Variants in DYNC2I1 observed in about 807,000 individuals in gnomAD.
DYNC2I1 encodes the protein cytoplasmic dynein 2 intermediate chain 1.
DYNC2I1 carries 89 observed loss-of-function variants against 133.4 expected under a neutral mutation model. The observed-to-expected ratio is 0.67, with a 90% CI of 0.56 to 0.80. DYNC2I1 has a LOEUF of 0.80. Ranked by LOEUF, DYNC2I1 falls within the 30% of genes least tolerant of loss-of-function variation. The pLI, the probability that DYNC2I1 is intolerant of heterozygous loss-of-function variation, is 0.00. For synonymous variants in DYNC2I1, 504 were observed against 484.3 expected (o/e 1.04, Z -0.54); for missense variants, 1,291 against 1,314.5 (o/e 0.98, Z 0.28).
upstream of DYNC2I1, chr7:158,856,537 C>A: frequency 2.1e-6 from 1 of 466,060 alleles, no homozygotes. Flanking sequence ...GCTAAAAATG[C>A]CGGGGATGCG....
intron 21 of DYNC2I1, among the ~76,000 whole-genome samples, chr7:158,931,738 C>T (rs1053747901): frequency 1.3e-5 from 2 of 152,200 alleles, no homozygotes; most frequent in South Asian, 4.1e-4. Flanking sequence ...AATAAATGTT[C>T]CCTCAGACTC....
chr7:158,893,205 C>G (rs1250203132), intron 8 of DYNC2I1, among the ~76,000 whole-genome samples: 1 of 152,138 alleles, frequency 6.6e-6, no homozygotes, highest in Non-Finnish European at 1.5e-5. Flanking sequence ...AGTGGTTTCA[C>G]TGCCCTAAAA....
At chr7:158,844,969 T>C in the DYNC2I1 span, among the ~76,000 whole-genome samples, 1 of 150,864 alleles carries the variant, frequency 6.6e-6, no homozygotes, top group African/African-American at 2.4e-5. Flanking sequence ...GATCAGCTTG[T>C]GTAAACCAAA....
At chr7:158,855,027 T>C (rs1008807529), upstream of DYNC2I1, among the ~76,000 whole-genome samples, 1 of 152,074 alleles carries the variant, frequency 6.6e-6, no homozygotes, top group African/African-American at 2.4e-5. Context: ...TGGAAGAGGG[T>C]GTTGGGCGAC....
intron 3 of DYNC2I1, among the ~76,000 whole-genome samples, chr7:158,873,448 G>T (rs146466590): frequency 3.0e-3 from 450 of 152,220 alleles, no homozygotes; most frequent in South Asian, 6.4e-3. Flanking sequence ...CATTTGAGTC[G>T]TTTGAAGATT....
At chr7:158,930,571 C>A in intron 21 of DYNC2I1, 56 bp downstream of exon 21, 1 of 1,478,130 alleles carries the variant, frequency 6.8e-7, no homozygotes, top group Non-Finnish European at 9.3e-7. Context: ...AGGAAAATAA[C>A]ATTGGGGAAT....
intron 11 of DYNC2I1, among the ~76,000 whole-genome samples, chr7:158,911,099 G>C (rs1379297790): frequency 3.9e-5 from 6 of 152,214 alleles, no homozygotes; most frequent in African/African-American, 1.4e-4. Flanking sequence ...GAAGCACAGA[G>C]GTTGGCTGTG....
intron 2 of DYNC2I1, among the ~76,000 whole-genome samples, chr7:158,870,362 CTT>C (rs11388411): frequency 0.2 from 30,852 of 151,352 alleles, 3,257 homozygotes; most frequent in Middle Eastern, 0.27. Context: ...TAATTTTACT[CTT>C]TTTTTTAGAG....
chr7:158,929,513 G>T (rs1563191277), intron 20 of DYNC2I1, among the ~76,000 whole-genome samples: 1 of 152,196 alleles, frequency 6.6e-6, no homozygotes, highest in Non-Finnish European at 1.5e-5. Flanking sequence ...CAGAAAAGCT[G>T]CCCACAGGCG....
At chr7:158,894,068 TATC>T (rs1474787425) in intron 8 of DYNC2I1, among the ~76,000 whole-genome samples, 1 of 151,948 alleles carries the variant, frequency 6.6e-6, no homozygotes, top group Non-Finnish European at 1.5e-5. Flanking sequence ...TCACACCACA[TATC>T]ATACCACATA....
At chr7:158,864,903 C>T (rs116627160) in intron 1 of DYNC2I1, among the ~76,000 whole-genome samples, 1 of 152,160 alleles carries the variant, frequency 6.6e-6, no homozygotes, top group Non-Finnish European at 1.5e-5. Flanking sequence ...AAAGAGGAGG[C>T]TGGGTTAGAA....
At chr7:158,890,909 T>C (rs1300947890) in intron 7 of DYNC2I1, among the ~76,000 whole-genome samples, 2 of 152,232 alleles carry the variant, frequency 1.3e-5, no homozygotes, top group Non-Finnish European at 2.9e-5. Flanking sequence ...ATCTTCCTAG[T>C]GTCATTGACA....
intron 20 of DYNC2I1, 93 bp downstream of exon 20, chr7:158,927,136 A>G: frequency 2.3e-6 from 2 of 866,018 alleles, no homozygotes; most frequent in African/African-American, 1.7e-5. Context: ...AGTGGCTCAC[A>G]CCTGCTGGGA....
chr7:158,915,976 G>A (rs1848193626), intron 14 of DYNC2I1, among the ~76,000 whole-genome samples: 2 of 133,998 alleles, frequency 1.5e-5, no homozygotes, highest in Admixed American at 7.2e-5. Flanking sequence ...CATTAAGGAT[G>A]ATTGTGAAAC....
chr7:158,864,097 A>C (rs10240300), intron 1 of DYNC2I1, among the ~76,000 whole-genome samples: 33,774 of 64,574 alleles, frequency 0.52, 5,889 homozygotes, highest in East Asian at 0.72. Context: ...GTGGGGGGAG[A>C]GGGACGTCCT....
At chr7:158,863,138 A>C (rs1292560979) in intron 1 of DYNC2I1, among the ~76,000 whole-genome samples, 1 of 150,762 alleles carries the variant, frequency 6.6e-6, no homozygotes. Context: ...GAGGGGGGCC[A>C]GCTTTTATTC....
rs562912106 is a variant in DYNC2I1 at position 158,879,367 on chromosome 7, C to T, written c.574-317C>T. 7.3e-4 allele frequency among the ~76,000 whole-genome samples: 111 copies of T among 152,194 alleles called. 4 individuals carry two copies. Among genetic ancestry groups the T allele is most frequent in the African/African-American group, 2.1e-3 (89 of 41,506 alleles). Reference sequence around the variant, plus strand: ...CAGGACCCCCTCAGATACCAAAATCCATGAATACTCAAGTCCCCCATATAA... The same window carrying T: ...CAGGACCCCCTCAGATACCAAAATCTATGAATACTCAAGTCCCCCATATAA... On this transcript the variant is annotated intron_variant, in intron 4 of 24. Coordinates refer to ENST00000407559, the MANE Select transcript of DYNC2I1 (RefSeq NM_018051.5).
intron 23 of DYNC2I1, among the ~76,000 whole-genome samples, chr7:158,936,157 C>T (rs1850726326): frequency 6.6e-6 from 1 of 152,180 alleles, no homozygotes; most frequent in Non-Finnish European, 1.5e-5. Context: ...TGCCATTGCA[C>T]TCAGCCTGGG....
In DYNC2I1 at chr7:158,882,379, T is replaced by C. The variant is rs1261336415; in HGVS notation, c.880-2185T>C. On this transcript the variant is annotated intron_variant, in intron 5 of 24. Coordinates refer to ENST00000407559, the MANE Select transcript of DYNC2I1 (RefSeq NM_018051.5). ...TTGGAGGATCTGTTGAGCCCAGGAGTTCAAGACCAGCCTGAGAAATATAGT... is the reference window on the plus strand; with the variant it reads ...TTGGAGGATCTGTTGAGCCCAGGAGCTCAAGACCAGCCTGAGAAATATAGT... Among the ~76,000 whole-genome samples, 4 of 151,066 alleles carry C rather than the reference T, an allele frequency of 2.6e-5. No individual in the cohort carries two copies. The East Asian group carries it at 5.8e-4, about 22-fold the overall frequency.
Sources: gnomAD v4.1 joint callset for allele counts (sites outside exome capture counted in the v4.1 genomes callset) on GRCh38, gnomAD v4.1.1 for gene constraint, MANE v1.5 for transcripts, NCBI Gene and HGNC (gene_info 2026-07-23, HGNC 2026-07-21) for gene names.